The following ADGRD2 variants were observed in gnomAD, a reference collection of about 807,000 sequenced individuals.
The protein encoded by ADGRD2 is G protein-coupled receptor PGR24.
In ADGRD2, 71 loss-of-function variants were observed where a neutral mutation model predicts 44.4. That is an observed-to-expected ratio of 1.60 (90% CI 1.32 to 1.95). The LOEUF (loss-of-function observed/expected upper bound fraction) is 1.95. ADGRD2 is among the 30% of genes most tolerant of loss of function. ADGRD2 has a pLI of 0.00. For missense variants in ADGRD2, 1,039 were observed against 512.4 expected (o/e 2.03, Z -9.92); for synonymous variants, 481 against 224.8 (o/e 2.14, Z -10.19).
chr9:124,459,839 C>A (rs1831694243), intron 10 of ADGRD2, among the ~76,000 whole-genome samples: 1 of 152,020 alleles, frequency 6.6e-6, no homozygotes, highest in Admixed American at 6.6e-5. Context: ...TGAGCCTCAG[C>A]AGGTTTTGGC....
At chr9:124,476,466 A>G in intron 20 of ADGRD2, 51 bp downstream of exon 23, 4 of 682,408 alleles carry the variant, frequency 5.9e-6, no homozygotes, top group South Asian at 1.5e-5. Context: ...GGGGCTGGCA[A>G]AGCCAGCAGG....
chr9:124,456,712 C>T (rs778718767), exon 7 of ADGRD2: 19 of 710,486 alleles, frequency 2.7e-5, no homozygotes, highest in African/African-American at 8.7e-5. Flanking sequence ...GCCCCGAATG[C>T]GCATCCAGCA....
At chr9:124,456,191 G>T (rs1246895705) in intron 6 of ADGRD2, among the ~76,000 whole-genome samples, 1 of 152,250 alleles carries the variant, frequency 6.6e-6, no homozygotes, top group Non-Finnish European at 1.5e-5. Flanking sequence ...GGGATGAACA[G>T]TGTGACTTGC....
intron 10 of ADGRD2, among the ~76,000 whole-genome samples, chr9:124,463,585 G>A (rs983536650): frequency 3.9e-5 from 6 of 152,132 alleles, no homozygotes; most frequent in African/African-American, 1.2e-4. Flanking sequence ...TGTTCTTTGT[G>A]GAAAGATTTT....
At chr9:124,471,778 C>A (rs1831948971) in intron 17 of ADGRD2, among the ~76,000 whole-genome samples, 1 of 152,178 alleles carries the variant, frequency 6.6e-6, no homozygotes, top group African/African-American at 2.4e-5. Context: ...GTGCTGGGTG[C>A]CAGGCCGCAG....
upstream of ADGRD2, chr9:124,451,611 C>G (rs569931784): frequency 3.5e-6 from 1 of 282,686 alleles, no homozygotes; most frequent in Non-Finnish European, 6.9e-6. Flanking sequence ...TTTCCTCAGT[C>G]CAAGTTGGCC....
At position 124,472,908 on chromosome 9, in the gene ADGRD2, C is replaced by T. The variant is rs573978789; in HGVS notation, c.2758+2294C>T. 4.6e-5 allele frequency among the ~76,000 whole-genome samples: 7 copies of T among 152,344 alleles called. No individual in the cohort carries two copies. The South Asian group carries it at 1.2e-3, about 27-fold the overall frequency. ...CCTCAGATTACCCTTGGGACGGTCA[C>T]CCGGTGAAGGCAAGGAGAGGCTGCC... is the stretch of plus-strand genomic sequence containing the variant. On this transcript the variant is annotated intron_variant, in intron 17 of 21. Coordinates refer to ENST00000334810, the Ensembl canonical transcript of ADGRD2.
chr9:124,462,481 C>T (rs1831740126), intron 10 of ADGRD2, among the ~76,000 whole-genome samples: 1 of 152,166 alleles, frequency 6.6e-6, no homozygotes, highest in Non-Finnish European at 1.5e-5. Flanking sequence ...TCATTAACAT[C>T]GCATTGACTG....
At chr9:124,461,491 T>G in intron 10 of ADGRD2, among the ~76,000 whole-genome samples, 1 of 152,262 alleles carries the variant, frequency 6.6e-6, no homozygotes, top group South Asian at 2.1e-4. Flanking sequence ...GTTCATTTTT[T>G]TCCATATAGA....
At chr9:124,456,052 C>G (rs779724282) in intron 6 of ADGRD2, among the ~76,000 whole-genome samples, 22 of 152,334 alleles carry the variant, frequency 1.4e-4, no homozygotes, top group Non-Finnish European at 2.2e-4. Context: ...GGGAAGTGTG[C>G]AAGCCCATAG....
exon 11 of ADGRD2, chr9:124,466,283 C>T (rs769126756): frequency 1.8e-5 from 13 of 707,592 alleles, no homozygotes; most frequent in South Asian, 1.4e-4. Flanking sequence ...CCCCATCCCC[C>T]AAGCCCATAT....
chr9:124,476,286 C>A, intron 19 of ADGRD2, 71 bp from the exon 23 acceptor site: 1 of 651,390 alleles, frequency 1.5e-6, no homozygotes, highest in Non-Finnish European at 2.8e-6. Flanking sequence ...GAGGGCCCCA[C>A]TCCCAGGATG....
intron 17 of ADGRD2, among the ~76,000 whole-genome samples, chr9:124,474,047 G>A (rs1052643460): frequency 3.5e-4 from 53 of 151,684 alleles, no homozygotes; most frequent in Admixed American, 2.0e-4. Context: ...AGGCCGAGGC[G>A]GGTGGATTAC....
rs1436920132 is a variant in ADGRD2, at chr9:124,472,451, TGTTTGTTTTTTG to T, written c.2758+1838_2758+1849del. On this transcript the variant is annotated intron_variant, in intron 17 of 21. Transcript: ENST00000334810. ...TGGTTTGTTTTTTTGTTTGTTTGTT[TGTTTGTTTTTTG>T]TTTGTTTTTTGTTTTTGTTTTGTTT... 4.1e-4 allele frequency among the ~76,000 whole-genome samples: 9 copies of T among 21,722 alleles called. No individual in the cohort carries two copies. The East Asian group carries it at 0.029, about 69-fold the overall frequency. The allele number at this position is 21,722 out of a possible 152,430, so 14.3% of individuals were successfully genotyped here. A position where few individuals can be genotyped will look rare whatever the true frequency, so the allele number is the denominator to read the frequency against.
intron 10 of ADGRD2, among the ~76,000 whole-genome samples, chr9:124,462,882 T>TCTTCCTTCCTTCCTTTCTTC (rs1564140551): frequency 6.9e-6 from 1 of 144,616 alleles, no homozygotes; most frequent in African/African-American, 2.9e-5. Context: ...TGTCTTCCTT[T>TCTTCCTTCCTTCCTTTCTTC]CTTCCTTCCT....
At chr9:124,453,123 G>A in exon 3 of ADGRD2, 1 of 701,676 alleles carries the variant, frequency 1.4e-6, no homozygotes, top group Non-Finnish European at 2.6e-6. Context: ...AGCTGGCAGC[G>A]CTGACCGCGT....
intron 21 of ADGRD2, 134 bp downstream of exon 24, chr9:124,476,843 C>A (rs1257127570): frequency 7.3e-6 from 5 of 686,212 alleles, no homozygotes; most frequent in South Asian, 1.6e-5. Context: ...CCTCCCCTCA[C>A]TCCACAGGTC....
intron 17 of ADGRD2, among the ~76,000 whole-genome samples, chr9:124,474,687 C>T (rs895923336): frequency 5.9e-5 from 9 of 152,326 alleles, no homozygotes; most frequent in Admixed American, 4.6e-4. Context: ...TAGGAGGGAT[C>T]CCAGGACAGC....
chr9:124,455,476 G>A (rs972740512), intron 6 of ADGRD2, among the ~76,000 whole-genome samples: 12 of 152,074 alleles, frequency 7.9e-5, no homozygotes, highest in African/African-American at 2.7e-4. Context: ...TGTAATCCCA[G>A]CTACTCAAGA....
Sources: gnomAD v4.1 joint callset for allele counts (sites outside exome capture counted in the v4.1 genomes callset) on GRCh38, gnomAD v4.1.1 for gene constraint, MANE v1.5 for transcripts, NCBI Gene and HGNC (gene_info 2026-07-23, HGNC 2026-07-21) for gene names.